The following AGTPBP1 variants were observed in gnomAD, a reference collection of about 807,000 sequenced individuals.
The protein encoded by AGTPBP1 is cytosolic carboxypeptidase 1.
AGTPBP1 carries 70 observed loss-of-function variants against 143.9 expected under a neutral mutation model. The observed-to-expected ratio is 0.49, with a 90% CI of 0.40 to 0.59. The LOEUF is 0.59. Ranked by LOEUF, AGTPBP1 falls within the 20% of genes least tolerant of loss-of-function variation. AGTPBP1 has a pLI of 0.00. For missense variants in AGTPBP1, 1,229 were observed against 1,464.5 expected (o/e 0.84, Z 2.62); for synonymous variants, 463 against 500.2 (o/e 0.93, Z 0.99).
chr9:85,606,566 T>C (rs573522342), intron 17 of AGTPBP1, among the ~76,000 whole-genome samples: 4 of 151,900 alleles, frequency 2.6e-5, no homozygotes, highest in Admixed American at 1.3e-4. Flanking sequence ...TTATCCGAAG[T>C]AAAGGAAATC....
At chr9:85,646,469 A>T (rs760377267) in intron 11 of AGTPBP1, 51 bp from the exon 12 acceptor site, 1 of 1,212,912 alleles carries the variant, frequency 8.2e-7, no homozygotes, top group South Asian at 1.2e-5. Flanking sequence ...ATTCTACAAT[A>T]TGCATAGCCA....
chr9:85,627,002 G>C (rs993919804), intron 14 of AGTPBP1, among the ~76,000 whole-genome samples: 3 of 152,102 alleles, frequency 2.0e-5, no homozygotes, highest in African/African-American at 7.2e-5. Context: ...CCTAACCTAG[G>C]TGAATGACTA....
At chr9:85,777,109 C>T in the AGTPBP1 span, among the ~76,000 whole-genome samples, 2 of 152,110 alleles carry the variant, frequency 1.3e-5, no homozygotes, top group Admixed American at 6.6e-5. Context: ...CCAGTGAATC[C>T]CATGAGCATG....
chr9:85,637,873 C>T (rs1017271695), intron 13 of AGTPBP1, among the ~76,000 whole-genome samples: 23 of 151,998 alleles, frequency 1.5e-4, no homozygotes, highest in African/African-American at 4.8e-4. Context: ...AAGACACTTT[C>T]GGGGAGGGAG....
chr9:85,661,132 ATCTC>A (rs1019999854), intron 8 of AGTPBP1, among the ~76,000 whole-genome samples, 159 bp from the exon 9 acceptor site: 55 of 152,086 alleles, frequency 3.6e-4, no homozygotes, highest in Non-Finnish European at 1.0e-4. Context: ...CTCCGTATGC[ATCTC>A]TCTCTTCAGC....
chr9:85,683,795 A>G (rs1482825378), intron 3 of AGTPBP1, among the ~76,000 whole-genome samples: 4 of 152,092 alleles, frequency 2.6e-5, no homozygotes, highest in East Asian at 3.9e-4. Flanking sequence ...ACCTCCTAAC[A>G]TTTCTATTCA....
In AGTPBP1 at chr9:85,619,256, T is replaced by C. The variant is rs761864771; in HGVS notation, c.2145A>G (p.Lys715=). The C allele has an allele frequency of 1.2e-6, 2 of 1,613,282 alleles. No individual in the cohort carries two copies. Among genetic ancestry groups the C allele is most frequent in the Non-Finnish European group, 1.7e-6 (2 of 1,179,656 alleles). ...CTTTGCGCAGATTCCCAGACTCAAATTTGGAGTTAAATTTCAAAATATCTC... is the reference window on the plus strand; with the variant it reads ...CTTTGCGCAGATTCCCAGACTCAAACTTGGAGTTAAATTTCAAAATATCTC... ...EEGDILKFNS[K]FESGNLRKVI... Residue 715 remains lysine (K), a synonymous_variant, in exon 16 of 26, where the codon AAA becomes AAG. Coordinates refer to ENST00000357081, the MANE Select transcript of AGTPBP1 (RefSeq NM_001330701.2).
intron 13 of AGTPBP1, among the ~76,000 whole-genome samples, chr9:85,635,001 T>C (rs1831944733): frequency 6.6e-6 from 1 of 152,222 alleles, no homozygotes; most frequent in Admixed American, 6.5e-5. Flanking sequence ...ATCTTACTGC[T>C]ATTTTAATTT....
At position 85,638,746 on chromosome 9, in the gene AGTPBP1, A is replaced by G. The variant is rs183709532; in HGVS notation, c.1302+4081T>C. On this transcript the variant is annotated intron_variant, in intron 13 of 25. Coordinates refer to ENST00000357081, the MANE Select transcript of AGTPBP1 (RefSeq NM_001330701.2). Reference sequence around the variant, plus strand: ...CCAACTCAAAAAGGAAGAAAACTCAATCTACATGTATATACAATAAATAAT... The same window carrying G: ...CCAACTCAAAAAGGAAGAAAACTCAGTCTACATGTATATACAATAAATAAT... Among the ~76,000 whole-genome samples, 115 of 152,162 alleles carry G rather than the reference A, an allele frequency of 7.6e-4. 1 individual carries two copies. Among genetic ancestry groups the G allele is most frequent in the African/African-American group, 2.7e-3 (111 of 41,574 alleles).
chr9:85,784,316 G>A, the AGTPBP1 span, among the ~76,000 whole-genome samples: 2 of 152,192 alleles, frequency 1.3e-5, no homozygotes, highest in Non-Finnish European at 2.9e-5. Context: ...ATCCAAGTGG[G>A]CTCCGGAGTG....
chr9:85,631,189 T>G (rs74476164), intron 14 of AGTPBP1, among the ~76,000 whole-genome samples: 3,212 of 152,302 alleles, frequency 0.021, 129 homozygotes, highest in African/African-American at 0.072. Flanking sequence ...ACTTTGGGAA[T>G]GAGGACTTCT....
At chr9:85,573,163 G>C (rs1827627029) in intron 25 of AGTPBP1, among the ~76,000 whole-genome samples, 1 of 151,930 alleles carries the variant, frequency 6.6e-6, no homozygotes, top group Non-Finnish European at 1.5e-5. Flanking sequence ...AGCCGAAGCT[G>C]GACTGTACTG....
intron 25 of AGTPBP1, among the ~76,000 whole-genome samples, chr9:85,573,829 G>A (rs1277221027): frequency 4.6e-5 from 7 of 151,338 alleles, no homozygotes; most frequent in South Asian, 2.1e-4. Context: ...GTCTCTGCCC[G>A]GCCGCCCCGT....
At chr9:85,560,607 G>C (rs1826645455) in intron 25 of AGTPBP1, among the ~76,000 whole-genome samples, 1 of 151,980 alleles carries the variant, frequency 6.6e-6, no homozygotes, top group Non-Finnish European at 1.5e-5. Context: ...AATCCCCTAA[G>C]GAGTCTTTGT....
At chr9:85,738,893 A>G (rs1458066814) in intron 1 of AGTPBP1, among the ~76,000 whole-genome samples, 1 of 151,986 alleles carries the variant, frequency 6.6e-6, no homozygotes, top group African/African-American at 2.4e-5. Context: ...CCCTTTGAAG[A>G]CTGAGGAAGA....
At chr9:85,760,529 T>C in the AGTPBP1 span, among the ~76,000 whole-genome samples, 1 of 136,564 alleles carries the variant, frequency 7.3e-6, no homozygotes, top group Non-Finnish European at 1.8e-5. Flanking sequence ...CACATGATTG[T>C]CTCAATAGAT....
chr9:85,601,185 C>A (rs140898354), intron 17 of AGTPBP1, among the ~76,000 whole-genome samples: 2 of 152,310 alleles, frequency 1.3e-5, no homozygotes, highest in African/African-American at 2.4e-5. Context: ...GCATAGCAAT[C>A]CCTAGCAGCA....
chr9:85,775,943 C>T, the AGTPBP1 span, among the ~76,000 whole-genome samples: 1 of 152,186 alleles, frequency 6.6e-6, no homozygotes, highest in African/African-American at 2.4e-5. Context: ...CAATACTTTG[C>T]ATCCTTCAAT....
chr9:85,551,224 G>A (rs1227887395), intron 25 of AGTPBP1, among the ~76,000 whole-genome samples: 1 of 152,140 alleles, frequency 6.6e-6, no homozygotes, highest in Non-Finnish European at 1.5e-5. Context: ...CCCGGTCTCA[G>A]TTTATAAGTA....
Sources: gnomAD v4.1 joint callset for allele counts (sites outside exome capture counted in the v4.1 genomes callset) on GRCh38, gnomAD v4.1.1 for gene constraint, MANE v1.5 for transcripts, NCBI Gene and HGNC (gene_info 2026-07-23, HGNC 2026-07-21) for gene names.